MEF2C: variants seen among roughly 807,000 people sequenced by gnomAD.
The protein encoded by MEF2C is myocyte enhancer factor 2C, also known as myocyte-specific enhancer factor 2C.
A neutral mutation model predicts 50.5 loss-of-function variants in MEF2C; 6 were observed. That is an observed-to-expected ratio of 0.12 (90% CI 0.07 to 0.23). The LOEUF is 0.23. Among genes scored for constraint, MEF2C ranks in the 10% least tolerant of loss-of-function variants. MEF2C has a pLI of 1.00. For synonymous variants in MEF2C, 183 were observed against 228.0 expected (o/e 0.80, Z 1.78); for missense variants, 276 against 605.0 (o/e 0.46, Z 5.70).
rs544325079 is a variant in MEF2C, at chr5:88,738,624, A to G, written c.638-6723T>C. ...CTACACTGCTCCTTCAGAACCAGTC[A>G]TGCTCTGAGATAGTGAAAGCCTTTC... On this transcript the variant is annotated intron_variant, in intron 6 of 10. Coordinates refer to ENST00000504921, the MANE Select transcript of MEF2C (RefSeq NM_002397.5). 30 of 985,238 alleles carry G rather than the reference A, an allele frequency of 3.0e-5. No homozygotes were observed. In the African/African-American group the frequency reaches 5.1e-4, roughly 17 times the overall value. The allele number at this position is 985,238 out of a possible 1,614,324, so 61.0% of individuals were successfully genotyped here.
chr5:88,864,483 A>G (rs1235728266), intron 1 of MEF2C, among the ~76,000 whole-genome samples: 6 of 151,580 alleles, frequency 4.0e-5, no homozygotes, highest in Non-Finnish European at 7.4e-5. Context: ...GCATTGGTGT[A>G]TGTGTGTATA....
intron 2 of MEF2C, among the ~76,000 whole-genome samples, chr5:88,813,749 GATA>G (rs556370594): frequency 2.4e-3 from 366 of 152,110 alleles, no homozygotes; most frequent in Non-Finnish European, 3.7e-3. Flanking sequence ...TCAATGAATG[GATA>G]ATTTTTTATT....
intron 1 of MEF2C, among the ~76,000 whole-genome samples, chr5:88,869,868 C>T (rs548070778): frequency 2.7e-4 from 40 of 150,124 alleles, no homozygotes; most frequent in African/African-American, 9.1e-4. Flanking sequence ...TGGTGTATCA[C>T]GCGTCTCTAT....
Position 88,749,110 on chromosome 5 carries a change from C to G in MEF2C, c.597G>C (p.Leu199=). 1.9e-6 allele frequency: 3 copies of G among 1,573,562 alleles called. No homozygotes were observed. The highest frequency in any genetic ancestry group is 2.6e-6 in the Non-Finnish European group (3 of 1,158,870). Residue 199 remains leucine, a synonymous_variant, in exon 6 of 11, where the codon CTG becomes CTC. Transcript: ENST00000504921. ...CACCAGACGTGAGGTCTCCACCCAT[C>G]AGACCACCTATGGATTAAAGAGGAA... The part of the protein sequence containing the change: ...RPPSAGNTGG[L]MGGDLTSGAG...
intron 5 of MEF2C, among the ~76,000 whole-genome samples, chr5:88,750,392 G>C (rs1581726151): frequency 6.6e-6 from 1 of 151,870 alleles, no homozygotes; most frequent in Non-Finnish European, 1.5e-5. Context: ...AATGTTTGTA[G>C]AGATGGGGTT....
At chr5:88,768,310 T>C (rs1780896796) in intron 3 of MEF2C, among the ~76,000 whole-genome samples, 1 of 152,310 alleles carries the variant, frequency 6.6e-6, no homozygotes, top group South Asian at 2.1e-4. Context: ...GATGAATGAA[T>C]GGAACACACA....
chr5:88,892,283 T>C (rs545394211), intron 1 of MEF2C: 1 of 152,156 alleles, frequency 6.6e-6, no homozygotes, highest in Non-Finnish European at 1.5e-5. Context: ...ACATGGTAAC[T>C]GTTTGATTAT....
At chr5:88,797,550 G>A (rs893237263) in intron 3 of MEF2C, among the ~76,000 whole-genome samples, 1 of 141,656 alleles carries the variant, frequency 7.1e-6, no homozygotes, top group African/African-American at 2.6e-5. Context: ...CTTTGTACGC[G>A]ACATGGGTCT....
intron 3 of MEF2C, among the ~76,000 whole-genome samples, chr5:88,777,764 T>G (rs1448761003): frequency 6.6e-6 from 1 of 152,120 alleles, no homozygotes; most frequent in Non-Finnish European, 1.5e-5. Context: ...GGGAAGGCCC[T>G]TCACCAATAT....
At chr5:88,764,141 T>C (rs546670370) in intron 3 of MEF2C, among the ~76,000 whole-genome samples, 7 of 152,358 alleles carry the variant, frequency 4.6e-5, no homozygotes, top group African/African-American at 1.7e-4. Context: ...GCCTATCAAC[T>C]GTCATTACAA....
chr5:88,748,210 T>C (rs1412026853), intron 6 of MEF2C: 3 of 982,592 alleles, frequency 3.1e-6, no homozygotes, highest in Middle Eastern at 5.2e-4. Context: ...TACTTGACCC[T>C]GGCAAAATAT....
At chr5:88,743,327 G>A (rs945172568) in intron 6 of MEF2C, 21 of 985,174 alleles carry the variant, frequency 2.1e-5, no homozygotes, top group Non-Finnish European at 6.0e-6. Flanking sequence ...GATATTTTAA[G>A]TCACTAAGTA....
intron 1 of MEF2C, among the ~76,000 whole-genome samples, chr5:88,831,697 A>G (rs567094214): frequency 8.7e-4 from 133 of 152,160 alleles, no homozygotes; most frequent in Non-Finnish European, 1.5e-3. Flanking sequence ...CTATAATACT[A>G]TCTCTCAAAA....
rs573207988 is a variant in MEF2C at position 88,719,367 on chromosome 5, G to A, written c.*3237C>T. 3.9e-5 allele frequency: 6 copies of A among 152,278 alleles called. No homozygotes were observed. The highest frequency in any genetic ancestry group is 1.9e-4 in the East Asian group (1 of 5,182). The allele number at this position is 152,278 out of a possible 1,614,324, so 9.4% of individuals were successfully genotyped here. A position where few individuals can be genotyped will look rare whatever the true frequency, so the allele number is the denominator to read the frequency against. On this transcript the variant is annotated 3_prime_UTR_variant, in exon 11 of 11. Coordinates refer to ENST00000504921, the MANE Select transcript of MEF2C (RefSeq NM_002397.5). Reference sequence around the variant, plus strand: ...AAAGGTTGAAATAAACAGCCTCCACGCAGCAATGCATACAATATACAGGTT... The same window carrying A: ...AAAGGTTGAAATAAACAGCCTCCACACAGCAATGCATACAATATACAGGTT...
At chr5:88,856,867 T>C (rs1263546624) in intron 1 of MEF2C, among the ~76,000 whole-genome samples, 1 of 152,256 alleles carries the variant, frequency 6.6e-6, no homozygotes, top group Non-Finnish European at 1.5e-5. Flanking sequence ...GCTAGGGCAA[T>C]GCAGAAGGGA....
intron 1 of MEF2C, among the ~76,000 whole-genome samples, chr5:88,837,862 C>T (rs1815784148): frequency 6.6e-6 from 1 of 152,126 alleles, no homozygotes; most frequent in Non-Finnish European, 1.5e-5. Context: ...TTAATAAATA[C>T]ATAATAGCTA....
chr5:88,756,846 CA>C (rs1273640409), intron 4 of MEF2C, among the ~76,000 whole-genome samples: 5 of 151,710 alleles, frequency 3.3e-5, no homozygotes, highest in Admixed American at 1.3e-4. Context: ...ACCAAACTTG[CA>C]AAGACTTCAG....
rs60491834 is a variant in MEF2C, at chr5:88,862,669, AT to A, written c.-143+20285del. 2.6e-3 allele frequency among the ~76,000 whole-genome samples: 393 copies of A among 152,260 alleles called. 10 individuals are homozygous for A. In the East Asian group the frequency reaches 0.053, roughly 21 times the overall value. ...GCTCCCTGTTTGGCCCTTTTCTCTTATTCATAACTTGTCCCATATCCCTTGT... is the reference window on the plus strand; with the variant it reads ...GCTCCCTGTTTGGCCCTTTTCTCTTATCATAACTTGTCCCATATCCCTTGT... On this transcript the variant is annotated intron_variant, in intron 1 of 10. Coordinates refer to ENST00000504921, the MANE Select transcript of MEF2C (RefSeq NM_002397.5).
chr5:88,798,344 T>G (rs1392607194), intron 3 of MEF2C, among the ~76,000 whole-genome samples: 10 of 152,108 alleles, frequency 6.6e-5, no homozygotes. Context: ...TCCTTTTCAT[T>G]CTTTTTTCTC....
Sources: allele counts gnomAD v4.1 joint callset (sites outside exome capture counted in the v4.1 genomes callset), GRCh38; gene constraint gnomAD v4.1.1; transcripts MANE v1.5; gene names NCBI Gene and HGNC (gene_info 2026-07-23, HGNC 2026-07-21).